Variants in NRP1 observed in about 807,000 individuals in gnomAD.
NRP1 encodes the protein neuropilin-1.
A neutral mutation model predicts 106.7 loss-of-function variants in NRP1; 35 were observed. The observed-to-expected ratio is 0.33, with a 90% CI of 0.25 to 0.43. The LOEUF is 0.43. Among genes scored for constraint, NRP1 ranks in the 20% least tolerant of loss-of-function variants. The pLI, the probability that NRP1 is intolerant of heterozygous loss-of-function variation, is 1.00. For synonymous variants in NRP1, 437 were observed against 417.9 expected (o/e 1.05, Z -0.56); for missense variants, 1,024 against 1,170.4 (o/e 0.87, Z 1.83).
At chr10:33,267,041 C>A (rs7068390) in intron 3 of NRP1, among the ~76,000 whole-genome samples, 104,196 of 151,602 alleles carry the variant, frequency 0.69, 37,179 homozygotes, top group African/African-American at 0.89. Context: ...CAAAACAAAA[C>A]ACAAAAAACA....
intron 6 of NRP1, among the ~76,000 whole-genome samples, chr10:33,253,372 G>A (rs899813290): frequency 6.6e-6 from 1 of 152,264 alleles, no homozygotes; most frequent in South Asian, 2.1e-4. Flanking sequence ...GTGACAGCAG[G>A]AAGGGAATGC....
intron 2 of NRP1, among the ~76,000 whole-genome samples, chr10:33,273,413 C>T (rs1356649820): frequency 1.3e-5 from 2 of 152,190 alleles, no homozygotes; most frequent in Non-Finnish European, 2.9e-5. Flanking sequence ...TTAAGTTTCG[C>T]ACTGGCAAGC....
At chr10:33,289,657 A>G (rs556445192) in intron 2 of NRP1, among the ~76,000 whole-genome samples, 19 of 152,188 alleles carry the variant, frequency 1.2e-4, no homozygotes, top group Admixed American at 2.0e-4. Context: ...CGTGTGTTAG[A>G]TACACATACG....
chr10:33,264,010 C>A (rs1454512482), intron 3 of NRP1, 137 bp from the exon 4 acceptor site: 1 of 620,294 alleles, frequency 1.6e-6, no homozygotes, highest in Admixed American at 2.8e-5. Context: ...ATGTATTAGT[C>A]AGCCTTTTCA....
At chr10:33,189,368 G>A (rs1047993407) in intron 13 of NRP1, among the ~76,000 whole-genome samples, 3 of 152,280 alleles carry the variant, frequency 2.0e-5, no homozygotes, top group Admixed American at 6.5e-5. Flanking sequence ...TAGCTCAGCC[G>A]GTGTCTGAGA....
At chr10:33,295,983 C>T (rs1409262991) in intron 2 of NRP1, among the ~76,000 whole-genome samples, 1 of 152,112 alleles carries the variant, frequency 6.6e-6, no homozygotes, top group African/African-American at 2.4e-5. Context: ...AGTCATCACA[C>T]CAAATTAATG....
At chr10:33,231,256 T>C (rs1402842873) in intron 6 of NRP1, among the ~76,000 whole-genome samples, 2 of 152,160 alleles carry the variant, frequency 1.3e-5, no homozygotes, top group Non-Finnish European at 2.9e-5. Flanking sequence ...GTTGTGTGGA[T>C]TTCCTTTGAA....
At chr10:33,299,948 G>A (rs1845685537) in intron 2 of NRP1, among the ~76,000 whole-genome samples, 3 of 152,164 alleles carry the variant, frequency 2.0e-5, no homozygotes, top group Admixed American at 2.0e-4. Flanking sequence ...CTTCTCTAAA[G>A]AGACGGCTGT....
chr10:33,213,975 C>G (rs1025952479), intron 8 of NRP1, among the ~76,000 whole-genome samples: 2 of 152,178 alleles, frequency 1.3e-5, no homozygotes, highest in Admixed American at 1.3e-4. Flanking sequence ...TTGACATCTT[C>G]TAAGTTTAAC....
At chr10:33,244,513 A>T (rs1156747796) in intron 6 of NRP1, among the ~76,000 whole-genome samples, 2 of 152,202 alleles carry the variant, frequency 1.3e-5, no homozygotes, top group African/African-American at 4.8e-5. Context: ...TTTAAATACC[A>T]CAGACAGGAA....
intron 6 of NRP1, among the ~76,000 whole-genome samples, chr10:33,242,284 G>T (rs139671894): frequency 6.6e-6 from 1 of 152,158 alleles, no homozygotes; most frequent in African/African-American, 2.4e-5. Flanking sequence ...TTCTTTACGT[G>T]GTAAATGATT....
chr10:33,211,592 C>T (rs879505118), intron 9 of NRP1: 2 of 152,170 alleles, frequency 1.3e-5, no homozygotes, highest in Non-Finnish European at 2.9e-5. Context: ...CTGATGGCAC[C>T]CAGCCCTGCC....
In NRP1 at chr10:33,249,472, T is replaced by A. The variant is rs767264154; in HGVS notation, c.981+4556A>T. ...AGAAACTCAGTTTCAATGAGCTTAA[T>A]GGCCTGGGTTCTAATGATGTGCTTG... On this transcript the variant is annotated intron_variant, in intron 6 of 16. Transcript: ENST00000374867. The A allele has an allele frequency of 1.1e-5, 6 of 529,574 alleles. No individual in the cohort carries two copies. The African/African-American group carries it at 1.2e-4, about 10-fold the overall frequency. 32.8% of individuals were successfully genotyped at this position (529,574 alleles called of 1,614,324 possible).
chr10:33,189,916 C>T (rs916395648), intron 13 of NRP1, among the ~76,000 whole-genome samples: 2 of 152,146 alleles, frequency 1.3e-5, no homozygotes, highest in Non-Finnish European at 2.9e-5. Context: ...ATGTCGGGCT[C>T]ACCCATCTCT....
rs564346222 is a variant in NRP1, at chr10:33,249,425, G to A, written c.981+4603C>T. ...AGAGCCTGAATGGAGTGAAGGCTAC[G>A]TTATTTTTATTTTATAGGAAAAGAA... On this transcript the variant is annotated intron_variant, in intron 6 of 16. Transcript: ENST00000374867. 4.6e-5 allele frequency: 24 copies of A among 521,490 alleles called. 1 individual carries two copies. The highest frequency in any genetic ancestry group is 2.7e-4 in the South Asian group (19 of 69,282). 32.3% of individuals were successfully genotyped at this position (521,490 alleles called of 1,614,324 possible).
At chr10:33,317,206 A>G (rs1431405261) in intron 2 of NRP1, among the ~76,000 whole-genome samples, 1 of 152,242 alleles carries the variant, frequency 6.6e-6, no homozygotes, top group African/African-American at 2.4e-5. Context: ...AGAGTTGCAG[A>G]TATAGTGTGT....
chr10:33,278,585 G>A (rs1226076491), intron 2 of NRP1, among the ~76,000 whole-genome samples: 4 of 152,208 alleles, frequency 2.6e-5, no homozygotes, highest in South Asian at 2.1e-4. Flanking sequence ...TTCTTATGTC[G>A]TTGTCTTCCT....
chr10:33,186,309 A>T lies in NRP1; in HGVS notation c.2242T>A (p.Tyr748Asn). The change falls in exon 14 of 17, where the codon TAC becomes AAC. Residue 748 changes from tyrosine (Y) to asparagine (N), a missense_variant. Tyr to Asn is a moderately radical substitution (Grantham distance 143). This residue lies in a region of NRP1 where 562 missense variants were observed against 620.3 expected (regional missense o/e 0.91). Coordinates refer to ENST00000374867, the MANE Select transcript of NRP1 (RefSeq NM_003873.7). ...VKLRYQKPEE[Y>N]DQLVWMAIGH... is the part of the protein sequence containing the mutation. ...ATGGCCATCCAGACCAGCTGATCGTACTCCTCTGGCTTCTGGTAGCGCAGT... is the reference window on the plus strand; with the variant it reads ...ATGGCCATCCAGACCAGCTGATCGTTCTCCTCTGGCTTCTGGTAGCGCAGT... 6.2e-7 allele frequency: 1 copy of T among 1,613,638 alleles called. No homozygotes were observed. The highest frequency in any genetic ancestry group is 8.5e-7 in the Non-Finnish European group (1 of 1,179,920).
chr10:33,252,465 C>T (rs753247307), intron 6 of NRP1, among the ~76,000 whole-genome samples: 3 of 152,104 alleles, frequency 2.0e-5, no homozygotes, highest in Non-Finnish European at 2.9e-5. Flanking sequence ...AACATTCAGC[C>T]TTAGACACTG....
Sources: gnomAD v4.1 joint callset for allele counts (sites outside exome capture counted in the v4.1 genomes callset) on GRCh38, gnomAD v4.1.1 for gene constraint, gnomAD v4.1.1 regional missense constraint, MANE v1.5 for transcripts, NCBI Gene and HGNC (gene_info 2026-07-23, HGNC 2026-07-21) for gene names.